Variants in LRRTM4 observed in about 807,000 individuals in gnomAD.
LRRTM4 encodes leucine-rich repeat transmembrane neuronal protein 4.
In LRRTM4, 25 loss-of-function variants were observed where a neutral mutation model predicts 47.6. That is an observed-to-expected ratio of 0.53 (90% CI 0.38 to 0.73). The LOEUF (loss-of-function observed/expected upper bound fraction) is 0.73. LRRTM4 is among the 30% of genes least tolerant of loss of function. LRRTM4 has a pLI of 0.00. For synonymous variants in LRRTM4, 311 were observed against 269.5 expected, an observed-to-expected ratio of 1.15 and a Z score of -1.51; for missense variants, 638 against 713.4, an observed-to-expected ratio of 0.89 and a Z score of 1.20.
At chr2:77,423,558 C>A (rs1674987118) in intron 3 of LRRTM4, among the ~76,000 whole-genome samples, 1 of 152,124 alleles carries the variant, frequency 6.6e-6, no homozygotes, top group Admixed American at 6.5e-5. Context: ...TCCCTTCTAT[C>A]CCTTCTGCCA....
At chr2:77,219,843 G>A (rs1674568069) in intron 3 of LRRTM4, among the ~76,000 whole-genome samples, 1 of 152,180 alleles carries the variant, frequency 6.6e-6, no homozygotes, top group Admixed American at 6.5e-5. Context: ...CTGTCTGACA[G>A]CTTTGAAGAG....
chr2:77,218,672 C>A (rs1349954097), intron 3 of LRRTM4, among the ~76,000 whole-genome samples: 1 of 152,092 alleles, frequency 6.6e-6, no homozygotes, highest in Non-Finnish European at 1.5e-5. Flanking sequence ...ATGATCCTTC[C>A]TTGGTGGCAT....
At chr2:76,781,463 C>G (rs1014597295) in intron 3 of LRRTM4, among the ~76,000 whole-genome samples, 2 of 152,314 alleles carry the variant, frequency 1.3e-5, no homozygotes, top group Admixed American at 6.5e-5. Flanking sequence ...TGGTGGGCCC[C>G]TTTTTTAAGC....
At chr2:77,145,426 C>T (rs1340298406) in intron 3 of LRRTM4, among the ~76,000 whole-genome samples, 1 of 151,574 alleles carries the variant, frequency 6.6e-6, no homozygotes, top group Admixed American at 6.6e-5. Context: ...AATACAGAAA[C>T]AATATTTGAA....
At chr2:77,249,888 T>C (rs1423368760) in intron 3 of LRRTM4, among the ~76,000 whole-genome samples, 1 of 152,216 alleles carries the variant, frequency 6.6e-6, no homozygotes, top group Admixed American at 6.5e-5. Flanking sequence ...AGAAGGTTTA[T>C]TCATAATTGC....
intron 3 of LRRTM4, among the ~76,000 whole-genome samples, chr2:76,832,921 T>A (rs1012260700): frequency 6.6e-6 from 1 of 152,028 alleles, no homozygotes; most frequent in Non-Finnish European, 1.5e-5. Context: ...CCCAGAGGAA[T>A]TATGCTACCA....
Position 77,407,110 on chromosome 2 carries a change from T to A in LRRTM4, c.1551+111208A>T, listed in dbSNP as rs143883142. Among the ~76,000 whole-genome samples, 25 of 152,306 alleles carry A rather than the reference T, an allele frequency of 1.6e-4. 1 individual carries two copies. The East Asian group carries it at 4.6e-3, about 28-fold the overall frequency. ...CTCACTTATAATTAGAAGTAAATCCTTTCAAGGAAACCTTACAAAGAATTG... is the reference window on the plus strand; with the variant it reads ...CTCACTTATAATTAGAAGTAAATCCATTCAAGGAAACCTTACAAAGAATTG... On this transcript the variant is annotated intron_variant, in intron 3 of 3. Transcript: ENST00000409884.
chr2:77,349,334 T>TAA (rs143203194), intron 3 of LRRTM4, among the ~76,000 whole-genome samples: 3 of 146,256 alleles, frequency 2.1e-5, no homozygotes, highest in Admixed American at 6.8e-5. Flanking sequence ...ACAACAACAA[T>TAA]AAAAAAAAAA....
intron 3 of LRRTM4, among the ~76,000 whole-genome samples, chr2:76,780,954 C>A (rs957737465): frequency 1.3e-5 from 2 of 152,320 alleles, no homozygotes; most frequent in South Asian, 2.1e-4. Flanking sequence ...GATGTCCTTT[C>A]TGTTTGTTAG....
intron 3 of LRRTM4, among the ~76,000 whole-genome samples, chr2:77,181,968 TG>T (rs1420524573): frequency 2.0e-5 from 3 of 152,158 alleles, no homozygotes; most frequent in Non-Finnish European, 4.4e-5. Context: ...TTTACACTGT[TG>T]GTGGCAATGT....
intron 3 of LRRTM4, among the ~76,000 whole-genome samples, chr2:76,910,829 T>C (rs1305445223): frequency 1.3e-5 from 2 of 152,210 alleles, no homozygotes; most frequent in Non-Finnish European, 2.9e-5. Flanking sequence ...GAATATATCT[T>C]GATTATGTCA....
chr2:76,817,170 C>T (rs769756386), intron 3 of LRRTM4, among the ~76,000 whole-genome samples: 2 of 151,912 alleles, frequency 1.3e-5, no homozygotes, highest in African/African-American at 2.4e-5. Context: ...ATGGAGAGAA[C>T]AGCCTGAAAA....
In LRRTM4 at chr2:76,789,376, A is replaced by G. The variant is rs373333574; in HGVS notation, c.1552-40460T>C. On this transcript the variant is annotated intron_variant, in intron 3 of 3. Coordinates refer to ENST00000409884, the MANE Select transcript of LRRTM4 (RefSeq NM_001134745.3). Reference sequence around the variant, plus strand: ...TCGCAGCCTCTTGACCTCACCACCCACCTCTGCTCTAGTGACCTCTCTCTT... The same window carrying G: ...TCGCAGCCTCTTGACCTCACCACCCGCCTCTGCTCTAGTGACCTCTCTCTT... Among the ~76,000 whole-genome samples the G allele has an allele frequency of 1.4e-4, 21 of 151,980 alleles. 1 individual carries two copies. The highest frequency in any genetic ancestry group is 9.7e-4 in the East Asian group (5 of 5,172).
At chr2:77,286,576 A>G (rs1404478062) in intron 3 of LRRTM4, among the ~76,000 whole-genome samples, 2 of 151,594 alleles carry the variant, frequency 1.3e-5, no homozygotes, top group Non-Finnish European at 2.9e-5. Flanking sequence ...TTTCTTCACT[A>G]AATTACCACC....
chr2:77,347,500 G>C (rs1297032683), intron 3 of LRRTM4, among the ~76,000 whole-genome samples: 1 of 151,988 alleles, frequency 6.6e-6, no homozygotes. Context: ...CTATATTACA[G>C]TATTAAGTGG....
At chr2:77,429,153 G>A (rs932995147) in intron 3 of LRRTM4, among the ~76,000 whole-genome samples, 1 of 152,200 alleles carries the variant, frequency 6.6e-6, no homozygotes, top group African/African-American at 2.4e-5. Flanking sequence ...TCACGGAGCT[G>A]TGTAGGGTAA....
chr2:77,202,535 T>C (rs1042507055), intron 3 of LRRTM4, among the ~76,000 whole-genome samples: 19 of 151,968 alleles, frequency 1.3e-4, no homozygotes, highest in African/African-American at 4.6e-4. Flanking sequence ...CCATTTTACA[T>C]TGGAATTTGG....
intron 3 of LRRTM4, among the ~76,000 whole-genome samples, chr2:77,083,685 C>A (rs1680604680): frequency 6.7e-6 from 1 of 150,208 alleles, no homozygotes; most frequent in Non-Finnish European, 1.5e-5. Context: ...TATTCTAATG[C>A]TCCTTTCACT....
intron 3 of LRRTM4, among the ~76,000 whole-genome samples, chr2:76,865,505 T>G (rs1672438747): frequency 6.6e-6 from 1 of 152,222 alleles, no homozygotes; most frequent in South Asian, 2.1e-4. Flanking sequence ...CCTCATCATT[T>G]TATCAGAGAA....
Sources: allele counts gnomAD v4.1 joint callset (sites outside exome capture counted in the v4.1 genomes callset), GRCh38; gene constraint gnomAD v4.1.1; transcripts MANE v1.5; gene names NCBI Gene and HGNC (gene_info 2026-07-23, HGNC 2026-07-21).